CYFIP1: variants seen among roughly 807,000 people sequenced by gnomAD.
CYFIP1 encodes the protein cytoplasmic FMR1-interacting protein 1.
In CYFIP1, 58 loss-of-function variants were observed where a neutral mutation model predicts 163.5. That is an observed-to-expected ratio of 0.35 (90% CI 0.29 to 0.44). The LOEUF is 0.44. Among genes scored for constraint, CYFIP1 ranks in the 20% least tolerant of loss-of-function variants. The pLI is 1.00. For synonymous variants in CYFIP1, 663 were observed against 660.7 expected (o/e 1.00, Z -0.05); for missense variants, 1,338 against 1,653.8 (o/e 0.81, Z 3.31).
At chr15:22,927,850 G>A (rs2061406380) in intron 12 of CYFIP1, 56 bp downstream of exon 12, 1 of 1,530,244 alleles carries the variant, frequency 6.5e-7, no homozygotes, top group Non-Finnish European at 8.7e-7. Flanking sequence ...AAGTTAATGT[G>A]AATAAAGTGC....
intron 28 of CYFIP1, among the ~76,000 whole-genome samples, 200 bp downstream of exon 28, chr15:22,874,350 T>C (rs1219229970): frequency 6.6e-6 from 1 of 152,238 alleles, no homozygotes; most frequent in Admixed American, 6.5e-5. Flanking sequence ...CTAAGCTCTT[T>C]CCAGGTGTTA....
In CYFIP1 at chr15:22,903,693, C is replaced by T. The variant is rs367976925; in HGVS notation, c.2588+13G>A. On this transcript the variant is annotated intron_variant, in intron 22 of 30. Coordinates refer to ENST00000617928, the MANE Select transcript of CYFIP1 (RefSeq NM_014608.6). ...GCCTCGCCTGTGGGCGCCTGTGTGG[C>T]GGGCACGCTCACCGGTTGGTAGAGC... 543 of 1,612,822 alleles carry T rather than the reference C, an allele frequency of 3.4e-4. 2 individuals are homozygous for T. Among genetic ancestry groups the T allele is most frequent in the Middle Eastern group, 2.0e-3 (12 of 6,062 alleles).
chr15:22,922,201 C>A (rs1454186321), intron 13 of CYFIP1, among the ~76,000 whole-genome samples: 1 of 152,122 alleles, frequency 6.6e-6, no homozygotes, highest in Non-Finnish European at 1.5e-5. Context: ...CCCGGGCCTA[C>A]TGCTGTACCA....
intron 1 of CYFIP1, among the ~76,000 whole-genome samples, chr15:22,965,425 C>A (rs1002297921): frequency 6.6e-6 from 1 of 152,178 alleles, no homozygotes; most frequent in Non-Finnish European, 1.5e-5. Context: ...TGTCACTGTA[C>A]CATTTCTATG....
chr15:22,933,283 C>A (rs190754317), intron 10 of CYFIP1, among the ~76,000 whole-genome samples: 1 of 151,938 alleles, frequency 6.6e-6, no homozygotes, highest in Non-Finnish European at 1.5e-5. Context: ...ACGTGGCTGT[C>A]GTAAGGAAAT....
At chr15:22,903,206 C>CA (rs1227410974) in intron 22 of CYFIP1, among the ~76,000 whole-genome samples, 2 of 152,220 alleles carry the variant, frequency 1.3e-5, no homozygotes, top group Non-Finnish European at 2.9e-5. Flanking sequence ...ATGCTGAGCT[C>CA]AGTGAGCAGA....
At chr15:22,954,659 CCTGA>C (rs1190901692) in intron 1 of CYFIP1, among the ~76,000 whole-genome samples, 8 of 152,106 alleles carry the variant, frequency 5.3e-5, no homozygotes, top group African/African-American at 1.9e-4. Flanking sequence ...TTTTTCCTTC[CCTGA>C]CTGATTTTCT....
At chr15:22,896,973 G>A (rs766361020) in intron 22 of CYFIP1, among the ~76,000 whole-genome samples, 144 of 152,258 alleles carry the variant, frequency 9.5e-4, no homozygotes, top group Non-Finnish European at 1.6e-3. Flanking sequence ...TTGGGAGGCC[G>A]AGGCAGGTGG....
At chr15:22,970,741 A>G (rs112366392) in intron 1 of CYFIP1, among the ~76,000 whole-genome samples, 18,780 of 152,258 alleles carry the variant, frequency 0.12, 1,281 homozygotes, top group African/African-American at 0.15. Context: ...ATATCCACAC[A>G]TACATGAATT....
At chr15:22,975,964 G>A (rs1424672818) in intron 1 of CYFIP1, among the ~76,000 whole-genome samples, 1 of 151,994 alleles carries the variant, frequency 6.6e-6, no homozygotes, top group Non-Finnish European at 1.5e-5. Flanking sequence ...TAAATTTATA[G>A]ATCAATATGA....
chr15:22,952,160 C>T (rs1269479708), intron 1 of CYFIP1, among the ~76,000 whole-genome samples: 3 of 152,104 alleles, frequency 2.0e-5, no homozygotes, highest in Non-Finnish European at 2.9e-5. Flanking sequence ...CATGATTCCA[C>T]TCATATAAAT....
rs1361969166 is a variant in CYFIP1, at chr15:22,939,233, T to C, written c.754A>G (p.Arg252Gly). 1 of 1,614,212 alleles carries C rather than the reference T, an allele frequency of 6.2e-7. No homozygotes were observed. The highest frequency in any genetic ancestry group is 2.2e-5 in the East Asian group (1 of 44,886). Residue 252 changes from arginine (R) to glycine (G), a missense_variant, in exon 8 of 31, where the codon AGG becomes GGG. Coordinates refer to ENST00000617928, the MANE Select transcript of CYFIP1 (RefSeq NM_014608.6). ...VNLCVDYYEN[R>G]MYLTPSEKHM... ...TTCTCACTGGGCGTCAAATACATCC[T>C]GTTCTCGTAGTAATCCACACACAGA...
intron 11 of CYFIP1, among the ~76,000 whole-genome samples, chr15:22,931,177 T>C (rs189597771): frequency 1.3e-5 from 2 of 152,310 alleles, no homozygotes; most frequent in East Asian, 1.9e-4. Flanking sequence ...CTAAGGTTAA[T>C]GGTCCTCCTG....
intron 1 of CYFIP1, among the ~76,000 whole-genome samples, chr15:22,978,177 C>T (rs2063340099): frequency 6.6e-6 from 1 of 151,508 alleles, no homozygotes; most frequent in Non-Finnish European, 1.5e-5. Flanking sequence ...CATGGCAAAA[C>T]CCCGTCTCTA....
intron 20 of CYFIP1, 74 bp from the exon 21 acceptor site, chr15:22,909,387 A>G: frequency 6.3e-7 from 1 of 1,575,050 alleles, no homozygotes; most frequent in South Asian, 1.1e-5. Context: ...GCCTCACCAG[A>G]GACCCTGGAG....
intron 23 of CYFIP1, among the ~76,000 whole-genome samples, chr15:22,884,128 G>C (rs1156396549): frequency 1.3e-5 from 2 of 151,954 alleles, no homozygotes; most frequent in Non-Finnish European, 2.9e-5. Flanking sequence ...ATTTGGGTGG[G>C]GGACACAGCC....
chr15:22,876,555 ATGTC>A (rs2059590216), intron 26 of CYFIP1, among the ~76,000 whole-genome samples: 1 of 152,076 alleles, frequency 6.6e-6, no homozygotes, highest in African/African-American at 2.4e-5. Flanking sequence ...TATGTGAAGA[ATGTC>A]AGGCCAGGTG....
At chr15:22,903,639 G>T in intron 22 of CYFIP1, 67 bp downstream of exon 22, 1 of 1,540,290 alleles carries the variant, frequency 6.5e-7, no homozygotes, top group Non-Finnish European at 8.9e-7. Context: ...TGACATGGAG[G>T]AAGCCTGCGG....
chr15:22,922,391 C>T (rs921646017), intron 13 of CYFIP1, among the ~76,000 whole-genome samples: 2 of 152,244 alleles, frequency 1.3e-5, no homozygotes, highest in Non-Finnish European at 2.9e-5. Context: ...CACACATCAT[C>T]GCTGGGAGAA....
Sources: gnomAD v4.1 joint callset for allele counts (sites outside exome capture counted in the v4.1 genomes callset) on GRCh38, gnomAD v4.1.1 for gene constraint, MANE v1.5 for transcripts, NCBI Gene and HGNC (gene_info 2026-07-23, HGNC 2026-07-21) for gene names.